Variants in NAT10 observed in about 807,000 individuals in gnomAD.
NAT10 encodes RNA cytidine acetyltransferase.
NAT10 carries 109 observed loss-of-function variants against 132.2 expected under a neutral mutation model. That is an observed-to-expected ratio of 0.82 (90% CI 0.71 to 0.97). The LOEUF is 0.97. Among genes scored for constraint, NAT10 ranks in the 50% least tolerant of loss-of-function variants. The pLI, the probability that NAT10 is intolerant of heterozygous loss-of-function variation, is 0.00. For synonymous variants in NAT10, 479 were observed against 478.0 expected (o/e 1.00, Z -0.03); for missense variants, 1,184 against 1,263.4 (o/e 0.94, Z 0.95).
intron 9 of NAT10, among the ~76,000 whole-genome samples, chr11:34,122,802 C>G (rs1851918730): frequency 6.6e-6 from 1 of 152,240 alleles, no homozygotes; most frequent in African/African-American, 2.4e-5. Flanking sequence ...CTTGTGTGTA[C>G]ACACAGACAC....
intron 15 of NAT10, 37 bp from the exon 16 acceptor site, chr11:34,132,989 A>G (rs762311006): frequency 1.3e-6 from 2 of 1,531,760 alleles, no homozygotes; most frequent in East Asian, 2.3e-5. Context: ...GGCAAGAGGA[A>G]GAGTGCTTCT....
chr11:34,127,093 A>G (rs555098854), intron 11 of NAT10, among the ~76,000 whole-genome samples: 1 of 151,994 alleles, frequency 6.6e-6, no homozygotes, highest in East Asian at 1.9e-4. Context: ...AAAGGGAGCC[A>G]CCATCTATCT....
chr11:34,123,959 C>T (rs1227562594), intron 10 of NAT10, 104 bp downstream of exon 10: 33 of 864,704 alleles, frequency 3.8e-5, no homozygotes, highest in South Asian at 2.3e-4. Context: ...CACCTGAGGT[C>T]GGGAGTTGGA....
Position 34,135,297 on chromosome 11 carries a change from C to T in NAT10, c.2028+6C>T, listed in dbSNP as rs763180837. 4 of 1,609,322 alleles carry T rather than the reference C, an allele frequency of 2.5e-6. No homozygotes were observed. The Admixed American group carries it at 6.7e-5, about 27-fold the overall frequency. On this transcript the variant is annotated splice_donor_region_variant and intron_variant, in intron 19 of 28. Coordinates refer to ENST00000257829, the MANE Select transcript of NAT10 (RefSeq NM_024662.3). Reference sequence around the variant, plus strand: ...TTCACACCGTAAGCAGCGAGGTAAGCATCTTTCGACAGACCTCCTGTGTCC... The same window carrying T: ...TTCACACCGTAAGCAGCGAGGTAAGTATCTTTCGACAGACCTCCTGTGTCC...
chr11:34,112,976 A>G (rs780490320), intron 4 of NAT10, among the ~76,000 whole-genome samples: 37 of 152,218 alleles, frequency 2.4e-4, no homozygotes, highest in Non-Finnish European at 4.3e-4. Context: ...GTCAAGTTAC[A>G]TACCTTGCAA....
In NAT10 at chr11:34,141,105, T is replaced by C. The variant is rs781241396; in HGVS notation, c.2609T>C (p.Ile870Thr). Reference sequence around the variant, plus strand: ...ATCCTTTAGGCTCTTCTCTTGGGGATTGGCCTGCAGCATAAGTCTGTGGAC... The same window carrying C: ...ATCCTTTAGGCTCTTCTCTTGGGGACTGGCCTGCAGCATAAGTCTGTGGAC... The part of the protein sequence containing the change: ...SAAQSALLLG[I>T]GLQHKSVDQL... The change falls in exon 25 of 29, where the codon ATT becomes ACT. Residue 870 changes from isoleucine (I) to threonine (T), a missense_variant. By Grantham distance (89) the Ile-to-Thr change is moderately conservative. Transcript: ENST00000257829. 53 of 1,613,894 alleles carry C rather than the reference T, an allele frequency of 3.3e-5. No individual in the cohort carries two copies. Among genetic ancestry groups the C allele is most frequent in the Admixed American group, 5.0e-5 (3 of 59,980 alleles).
chr11:34,136,537 C>T, intron 19 of NAT10, 105 bp from the exon 20 acceptor site: 1 of 1,370,896 alleles, frequency 7.3e-7, no homozygotes, highest in Admixed American at 2.0e-5. Flanking sequence ...GAAACCTCTC[C>T]CAGTTTTTGT....
intron 9 of NAT10, among the ~76,000 whole-genome samples, chr11:34,122,816 T>C (rs1851919175): frequency 1.3e-5 from 2 of 152,240 alleles, no homozygotes; most frequent in South Asian, 2.1e-4. Context: ...CAGACACATA[T>C]ATACCAGGGC....
chr11:34,142,756 G>A (rs561333993), intron 27 of NAT10, among the ~76,000 whole-genome samples: 3 of 152,306 alleles, frequency 2.0e-5, no homozygotes, highest in African/African-American at 4.8e-5. Flanking sequence ...CTCTAAAACC[G>A]TCTGGGAATC....
rs746936390 is a variant in NAT10 at position 34,136,631 on chromosome 11, C to T, written c.2029-11C>T. 1 of 1,614,148 alleles carries T rather than the reference C, an allele frequency of 6.2e-7. No individual in the cohort carries two copies. Among genetic ancestry groups the T allele is most frequent in the Admixed American group, 1.7e-5 (1 of 60,018 alleles). ...TGAATGGACTGTGTTCTCTCCTTGG[C>T]ATCTTCCCAGGCTGTCAGCTTGTTG... is the stretch of plus-strand genomic sequence containing the variant. On this transcript the variant is annotated splice_polypyrimidine_tract_variant and intron_variant, in intron 19 of 28. Transcript: ENST00000257829.
At chr11:34,141,850 G>C in intron 26 of NAT10, 33 bp downstream of exon 26, 1 of 1,569,698 alleles carries the variant, frequency 6.4e-7, no homozygotes, top group Non-Finnish European at 8.8e-7. Context: ...GGGAGTCCCA[G>C]CATTTCCATC....
At position 34,112,045 on chromosome 11, in the gene NAT10, A is replaced by G. The variant is rs1460191180; in HGVS notation, c.201-7A>G. The stretch of plus-strand genomic sequence containing the variant: ...GCTCTCATGGGATTGGGGGTGTGTG[A>G]TTGCAGTCACCGGAAGAAAAGAATG... On this transcript the variant is annotated splice_polypyrimidine_tract_variant and splice_region_variant and intron_variant, in intron 3 of 28. Transcript: ENST00000257829. 6.2e-7 allele frequency: 1 copy of G among 1,613,964 alleles called. No homozygotes were observed. The highest frequency in any genetic ancestry group is 8.5e-7 in the Non-Finnish European group (1 of 1,179,970).
rs756565845 is a variant in NAT10 at position 34,139,203 on chromosome 11, G to A, written c.2224G>A (p.Gly742Arg). The A allele has an allele frequency of 7.4e-6, 12 of 1,613,788 alleles. No homozygotes were observed. In the South Asian group the frequency reaches 1.1e-4, roughly 15 times the overall value. ...YLRQTPNDLT[G>R]EHSCIMLKTL... ...CTGTGTTGCCCAGAATGACCTGACC[G>A]GAGAGCACTCGTGCATCATGCTGAA... Residue 742 changes from glycine to arginine, a missense_variant, in exon 22 of 29, where the codon GGA becomes AGA. Coordinates refer to ENST00000257829, the MANE Select transcript of NAT10 (RefSeq NM_024662.3).
Position 34,112,191 on chromosome 11 carries a change from C to G in NAT10, c.340C>G (p.Leu114Val). The change falls in exon 4 of 29, where the codon CTG becomes GTG. Residue 114 changes from leucine to valine, a missense_variant. Transcript: ENST00000257829. ...CTACTACAACGAGACCCACAAGATC[C>G]TGGGCAATACCTTCGGCATGTGTGT... ...YCYYNETHKI[L>V]GNTFGMCVLQ... 6.2e-7 allele frequency: 1 copy of G among 1,614,230 alleles called. No individual in the cohort carries two copies. The highest frequency in any genetic ancestry group is 1.1e-5 in the South Asian group (1 of 91,078).
intron 9 of NAT10, among the ~76,000 whole-genome samples, chr11:34,123,415 G>A (rs1187199342): frequency 6.6e-6 from 1 of 152,232 alleles, no homozygotes; most frequent in Non-Finnish European, 1.5e-5. Flanking sequence ...CCTGAGCACC[G>A]ATTGAGCTCC....
At position 34,131,360 on chromosome 11, in the gene NAT10, G is replaced by A. The variant is rs139827411; in HGVS notation, c.1370-21G>A. On this transcript the variant is annotated intron_variant, in intron 13 of 28. Coordinates refer to ENST00000257829, the MANE Select transcript of NAT10 (RefSeq NM_024662.3). ...ATTTAATCATTGTTTCTTCTTTTGT[G>A]TGTGTGATTGTGGGGAGCAGCGCGG... 282 of 1,589,744 alleles carry A rather than the reference G, an allele frequency of 1.8e-4. 2 individuals carry two copies. The East Asian group carries it at 5.7e-3, about 32-fold the overall frequency.
intron 3 of NAT10, among the ~76,000 whole-genome samples, chr11:34,110,666 G>A (rs1174736551): frequency 1.5e-5 from 2 of 131,438 alleles, no homozygotes. Context: ...GATTTAGCAT[G>A]TTTATCATAG....
intron 6 of NAT10, among the ~76,000 whole-genome samples, chr11:34,117,826 G>A (rs1851809972): frequency 6.6e-6 from 1 of 151,988 alleles, no homozygotes; most frequent in Admixed American, 6.5e-5. Context: ...GGTTGGGTTT[G>A]GAATTCCCCA....
chr11:34,143,520 C>A lies in NAT10; in HGVS notation c.2961C>A (p.Ser987Arg). ...CTGGGCCGAACGCCTCGATCATCAG[C>A]CTGAAAAGGTGAGGGCCCAGGGTCT... ...NKAGPNASII[S>R]LKSDKKRKLE... The change falls in exon 28 of 29, where the codon AGC (serine) becomes AGA (arginine). Residue 987 changes from serine to arginine, a missense_variant. Coordinates refer to ENST00000257829, the MANE Select transcript of NAT10 (RefSeq NM_024662.3). The A allele has an allele frequency of 6.2e-7, 1 of 1,613,850 alleles. No homozygotes were observed. Among genetic ancestry groups the A allele is most frequent in the Non-Finnish European group, 8.5e-7 (1 of 1,179,880 alleles).
Sources: allele counts gnomAD v4.1 joint callset (sites outside exome capture counted in the v4.1 genomes callset), GRCh38; gene constraint gnomAD v4.1.1; transcripts MANE v1.5; gene names NCBI Gene and HGNC (gene_info 2026-07-23, HGNC 2026-07-21).